Variants in FAM184B observed in about 807,000 individuals in gnomAD.
The protein encoded by FAM184B is family with sequence similarity 184 member B.
A neutral mutation model predicts 135.9 loss-of-function variants in FAM184B; 111 were observed. The observed-to-expected ratio is 0.82, with a 90% CI of 0.70 to 0.96. The LOEUF is 0.96. FAM184B is among the 40% of genes least tolerant of loss of function. The probability of loss-of-function intolerance (pLI) is 0.00; values close to 1 mark genes in which losing one functional copy is unlikely to be tolerated. For synonymous variants in FAM184B, 552 were observed against 524.8 expected (o/e 1.05, Z -0.71); for missense variants, 1,375 against 1,323.9 (o/e 1.04, Z -0.60).
chr4:17,637,774 T>G (rs1715190189), intron 14 of FAM184B, among the ~76,000 whole-genome samples: 1 of 152,238 alleles, frequency 6.6e-6, no homozygotes, highest in Non-Finnish European at 1.5e-5. Context: ...TGTTTGGACC[T>G]GGCTTGCTGC....
intron 1 of FAM184B, among the ~76,000 whole-genome samples, chr4:17,773,293 G>A (rs1056499486): frequency 2.0e-5 from 3 of 152,184 alleles, no homozygotes; most frequent in Non-Finnish European, 2.9e-5. Flanking sequence ...AGAATCGTAA[G>A]GTGTTCCTAA....
intron 1 of FAM184B, among the ~76,000 whole-genome samples, chr4:17,751,211 G>A (rs1360845501): frequency 6.6e-6 from 1 of 151,390 alleles, no homozygotes; most frequent in East Asian, 2.0e-4. Flanking sequence ...AGGAGGCTGA[G>A]GCCGGAGAAT....
At chr4:17,708,709 A>ATG (rs3066655) in intron 2 of FAM184B, among the ~76,000 whole-genome samples, 183 bp downstream of exon 2, 3 of 38,840 alleles carry the variant, frequency 7.7e-5, no homozygotes, top group African/African-American at 2.0e-4. Context: ...ATATATATAT[A>ATG]GTGTCTGTGT....
intron 11 of FAM184B, among the ~76,000 whole-genome samples, chr4:17,649,705 A>C (rs1715558099): frequency 6.6e-6 from 1 of 152,158 alleles, no homozygotes; most frequent in Non-Finnish European, 1.5e-5. Flanking sequence ...AACTGTTATC[A>C]CAAGATATAT....
intron 7 of FAM184B, among the ~76,000 whole-genome samples, chr4:17,679,139 A>G (rs1716382622): frequency 6.6e-6 from 1 of 152,220 alleles, no homozygotes; most frequent in Non-Finnish European, 1.5e-5. Flanking sequence ...CATGACCAAG[A>G]AAACAAAAGC....
In FAM184B at chr4:17,709,468, G is replaced by A. The variant is rs1239411300; in HGVS notation, c.318C>T (p.Ser106=). 1.1e-5 allele frequency: 17 copies of A among 1,537,848 alleles called. No individual in the cohort carries two copies. The highest frequency in any genetic ancestry group is 5.5e-5 in the African/African-American group (4 of 72,634). Residue 106 remains serine, a synonymous_variant, in exon 2 of 18, where the codon AGC becomes AGT. Transcript: ENST00000265018. The stretch of plus-strand genomic sequence containing the variant: ...TCAGCCTCTTTTGCAGCTCCAGGGC[G>A]CTCTCCAGGGCCTGGATGCGCTGTA... ...ALLQRIQALE[S]ALELQKRLTE...
intron 6 of FAM184B, among the ~76,000 whole-genome samples, chr4:17,689,732 C>T (rs1577261779): frequency 6.6e-6 from 1 of 152,086 alleles, no homozygotes; most frequent in Non-Finnish European, 1.5e-5. Flanking sequence ...ATCCTCCCAC[C>T]TCAGCCTCCC....
At chr4:17,697,069 T>A (rs1716881591) in intron 5 of FAM184B, among the ~76,000 whole-genome samples, 1 of 152,074 alleles carries the variant, frequency 6.6e-6, no homozygotes, top group Admixed American at 6.5e-5. Context: ...TTAGATTACA[T>A]GAAGTGGGGA....
At chr4:17,657,703 A>G (rs1715809587) in intron 10 of FAM184B, among the ~76,000 whole-genome samples, 1 of 135,364 alleles carries the variant, frequency 7.4e-6, no homozygotes, top group African/African-American at 2.9e-5. Flanking sequence ...GTCACCCAGG[A>G]TGGAATGCAA....
At chr4:17,746,162 T>C (rs1718156962) in intron 1 of FAM184B, among the ~76,000 whole-genome samples, 1 of 151,910 alleles carries the variant, frequency 6.6e-6, no homozygotes, top group African/African-American at 2.4e-5. Context: ...TTTCATCATG[T>C]TGGCCAGACT....
intron 12 of FAM184B, among the ~76,000 whole-genome samples, chr4:17,647,252 C>CTTT (rs3066609): frequency 7.8e-6 from 1 of 128,958 alleles, no homozygotes; most frequent in Non-Finnish European, 1.6e-5. Context: ...GAGCCCATCC[C>CTTT]TTTTTTTTTT....
At chr4:17,636,705 G>A in intron 14 of FAM184B, 60 bp from the exon 15 acceptor site, 6 of 1,333,108 alleles carry the variant, frequency 4.5e-6, no homozygotes, top group Non-Finnish European at 6.1e-6. Context: ...CAAAGAGGGA[G>A]AACAAGTGCA....
intron 1 of FAM184B, among the ~76,000 whole-genome samples, chr4:17,723,877 A>G (rs551872131): frequency 3.9e-5 from 6 of 152,170 alleles, no homozygotes; most frequent in Non-Finnish European, 8.8e-5. Flanking sequence ...CTGCCACCAC[A>G]TGACCTCTTT....
intron 14 of FAM184B, among the ~76,000 whole-genome samples, chr4:17,637,146 A>T (rs1715167847): frequency 6.6e-6 from 1 of 152,066 alleles, no homozygotes. Context: ...TGTGCCTCAC[A>T]GCCTCCTGAG....
At chr4:17,662,961 G>A (rs1222268960) in intron 8 of FAM184B, among the ~76,000 whole-genome samples, 1 of 151,846 alleles carries the variant, frequency 6.6e-6, no homozygotes, top group African/African-American at 2.4e-5. Context: ...TTTGGGACAG[G>A]GTCTTGCTCT....
At chr4:17,701,882 T>G (rs964091401) in intron 5 of FAM184B, among the ~76,000 whole-genome samples, 3 of 152,218 alleles carry the variant, frequency 2.0e-5, no homozygotes, top group African/African-American at 7.2e-5. Context: ...CCACTGGCCA[T>G]ATATGACTAG....
At chr4:17,693,165 T>A in intron 6 of FAM184B, 137 bp downstream of exon 6, 1 of 616,804 alleles carries the variant, frequency 1.6e-6, no homozygotes, top group Non-Finnish European at 2.8e-6. Flanking sequence ...TGCAGCTAAA[T>A]GCACGCCCCC....
At chr4:17,642,718 G>C (rs1435381499) in intron 12 of FAM184B, among the ~76,000 whole-genome samples, 3 of 151,882 alleles carry the variant, frequency 2.0e-5, no homozygotes, top group African/African-American at 4.9e-5. Flanking sequence ...TCCTTGGCTA[G>C]ATTGGGAGCT....
chr4:17,636,757 G>T, intron 14 of FAM184B, 112 bp from the exon 15 acceptor site: 3 of 902,192 alleles, frequency 3.3e-6, no homozygotes, highest in Non-Finnish European at 4.9e-6. Flanking sequence ...GGCCAGGGAG[G>T]CCCAGATAGC....
Sources: gnomAD v4.1 joint callset for allele counts (sites outside exome capture counted in the v4.1 genomes callset) on GRCh38, gnomAD v4.1.1 for gene constraint, MANE v1.5 for transcripts, NCBI Gene and HGNC (gene_info 2026-07-23, HGNC 2026-07-21) for gene names.